KIAA0930: variants seen among roughly 807,000 people sequenced by gnomAD.
The protein encoded by KIAA0930 is KIAA0930.
KIAA0930 carries 24 observed loss-of-function variants against 43.9 expected under a neutral mutation model. The ratio of observed to expected loss-of-function variants is 0.55; its 90% CI spans 0.40 to 0.77. The LOEUF (loss-of-function observed/expected upper bound fraction) is 0.77, where lower values mean the gene tolerates loss of function less well. Among genes scored for constraint, KIAA0930 ranks in the 30% least tolerant of loss-of-function variants. The pLI, the probability that KIAA0930 is intolerant of heterozygous loss-of-function variation, is 0.00. For synonymous variants in KIAA0930, 259 were observed against 216.4 expected (o/e 1.20, Z -1.73); for missense variants, 461 against 574.2 (o/e 0.80, Z 2.02).
intron 1 of KIAA0930, chr22:45,235,543 G>GGCCCCAAGGAGCGCCCCAAGGAGC (rs61483056): frequency 0.024 from 3,683 of 151,618 alleles, 68 homozygotes; most frequent in Middle Eastern, 0.055. Context: ...GGGGTTGGAG[G>GGCCCCAAGGAGCGCCCCAAGGAGC]GCCCCAAGGA....
intron 6 of KIAA0930, among the ~76,000 whole-genome samples, 164 bp downstream of exon 6, chr22:45,203,680 AG>A (rs2147739214): frequency 6.6e-6 from 1 of 152,264 alleles, no homozygotes; most frequent in South Asian, 2.1e-4. Flanking sequence ...TGACGTTAAG[AG>A]GACCAGGGAG....
chr22:45,213,418 T>C (rs985992604), intron 1 of KIAA0930: 1 of 1,298,160 alleles, frequency 7.7e-7, no homozygotes, highest in Non-Finnish European at 1.0e-6. Flanking sequence ...CAGCGAGCCT[T>C]GTCAGCCTCC....
At chr22:45,203,702 G>A in intron 6 of KIAA0930, 143 bp downstream of exon 6, 1 of 862,664 alleles carries the variant, frequency 1.2e-6, no homozygotes, top group Non-Finnish European at 1.8e-6. Context: ...CGCCTAGAAG[G>A]AGCCCGGAGG....
At chr22:45,233,304 C>T (rs2083865803) in intron 1 of KIAA0930, among the ~76,000 whole-genome samples, 2 of 152,144 alleles carry the variant, frequency 1.3e-5, no homozygotes, top group South Asian at 2.1e-4. Flanking sequence ...GCTCTGGACA[C>T]GGTGTGGTAC....
chr22:45,231,311 A>G (rs2083852205), intron 1 of KIAA0930, among the ~76,000 whole-genome samples: 1 of 152,082 alleles, frequency 6.6e-6, no homozygotes, highest in African/African-American at 2.4e-5. Context: ...TGTATCATGT[A>G]AAACTTACAC....
intron 2 of KIAA0930, among the ~76,000 whole-genome samples, chr22:45,210,596 A>C (rs890601459): frequency 6.6e-6 from 1 of 152,104 alleles, no homozygotes; most frequent in African/African-American, 2.4e-5. Context: ...CCAGGGAAAA[A>C]CAAGACTGGC....
intron 1 of KIAA0930, among the ~76,000 whole-genome samples, chr22:45,234,079 A>C (rs1181050921): frequency 6.6e-6 from 1 of 152,186 alleles, no homozygotes; most frequent in East Asian, 1.9e-4. Context: ...AGGCTGGTTG[A>C]ATTCTGAGAC....
chr22:45,240,491 AGGAAG>A, intron 1 of KIAA0930, 144 bp downstream of exon 1: 1 of 503,584 alleles, frequency 2.0e-6, no homozygotes, highest in Non-Finnish European at 3.6e-6. Flanking sequence ...GGGGCCATGG[AGGAAG>A]ACAGGGTACC....
intron 1 of KIAA0930, among the ~76,000 whole-genome samples, chr22:45,214,010 C>T (rs528956767): frequency 1.2e-4 from 19 of 152,068 alleles, no homozygotes; most frequent in Non-Finnish European, 2.1e-4. Context: ...GACTCCATCT[C>T]GGAAATAAAT....
intron 2 of KIAA0930, among the ~76,000 whole-genome samples, chr22:45,209,203 A>G: frequency 6.6e-6 from 1 of 152,166 alleles, no homozygotes; most frequent in Non-Finnish European, 1.5e-5. Flanking sequence ...GCAACCGGGT[A>G]CCAGCGGGAT....
At chr22:45,219,073 G>A (rs567203569) in intron 1 of KIAA0930, among the ~76,000 whole-genome samples, 2 of 152,180 alleles carry the variant, frequency 1.3e-5, no homozygotes, top group East Asian at 1.9e-4. Context: ...GGCATTTCAC[G>A]TGAATCCAAT....
intron 7 of KIAA0930, 115 bp downstream of exon 7, chr22:45,202,875 A>G: frequency 1.2e-6 from 1 of 861,356 alleles, no homozygotes; most frequent in Non-Finnish European, 1.7e-6. Context: ...CGGCCTGCGC[A>G]CTGGTGGTTG....
chr22:45,239,859 T>G (rs2083906431), intron 1 of KIAA0930, among the ~76,000 whole-genome samples: 1 of 151,966 alleles, frequency 6.6e-6, no homozygotes, highest in South Asian at 2.1e-4. Flanking sequence ...ATGACGAACC[T>G]GAGACGACAA....
Position 45,234,521 on chromosome 22 carries a change from G to C in KIAA0930, c.64+6119C>G, listed in dbSNP as rs530518783. Among the ~76,000 whole-genome samples the C allele has an allele frequency of 2.0e-5, 3 of 152,300 alleles. 1 individual carries two copies. The highest frequency in any genetic ancestry group is 7.2e-5 in the African/African-American group (3 of 41,564). On this transcript the variant is annotated intron_variant, in intron 1 of 9. Coordinates refer to ENST00000336156, the MANE Select transcript of KIAA0930 (RefSeq NM_001009880.2). ...CCTAGTCCACACAAGCTAACTAAAA[G>C]GGTTCTCCTTCAGCCCCGTGAACAC...
intron 1 of KIAA0930, among the ~76,000 whole-genome samples, chr22:45,236,960 G>A (rs111405849): frequency 1.2e-4 from 19 of 152,206 alleles, no homozygotes; most frequent in African/African-American, 3.9e-4. Context: ...ACCTGCTCAC[G>A]GCACCTCTCA....
At chr22:45,223,134 G>A (rs866804132) in intron 1 of KIAA0930, among the ~76,000 whole-genome samples, 17 of 152,168 alleles carry the variant, frequency 1.1e-4, no homozygotes, top group African/African-American at 3.1e-4. Context: ...GCAAAATAGT[G>A]GAGTGGTCCT....
rs775151828 is a variant in KIAA0930, at chr22:45,193,534, G to A, written c.*3642C>T. The A allele has an allele frequency of 6.6e-6, 1 of 152,108 alleles. No individual in the cohort carries two copies. The highest frequency in any genetic ancestry group is 1.5e-5 in the Non-Finnish European group (1 of 68,026). The allele number at this position is 152,108 out of a possible 1,614,324, so 9.4% of individuals were successfully genotyped here. ...GGTTTGAGTGCAGGTACATTCTTTG[G>A]GGGAGGGCACCTCAGGAACATGCAT... On this transcript the variant is annotated 3_prime_UTR_variant, in exon 10 of 10. Transcript: ENST00000336156.
intron 1 of KIAA0930, among the ~76,000 whole-genome samples, chr22:45,227,299 T>C (rs1159180473): frequency 1.3e-5 from 2 of 152,120 alleles, no homozygotes; most frequent in African/African-American, 4.8e-5. Context: ...GCAACGTCCT[T>C]GGAAATGCCC....
rs1420355105 is a variant in KIAA0930 at position 45,197,644 on chromosome 22, CAA to C, written c.1174+144_1174+145del. On this transcript the variant is annotated intron_variant, in intron 9 of 9. Transcript: ENST00000336156. The stretch of plus-strand genomic sequence containing the variant: ...CTACGGCTCCACCCAAAGTCTGAGA[CAA>C]AGAGGCCAAGAGCCCTGCAAAGAAA... 1.3e-5 allele frequency: 10 copies of C among 778,476 alleles called. No individual in the cohort carries two copies. In the East Asian group the frequency reaches 2.3e-4, roughly 18 times the overall value. The allele number at this position is 778,476 out of a possible 1,614,324, so 48.2% of individuals were successfully genotyped here.
Sources: gnomAD v4.1 joint callset for allele counts (sites outside exome capture counted in the v4.1 genomes callset) on GRCh38, gnomAD v4.1.1 for gene constraint, MANE v1.5 for transcripts, NCBI Gene and HGNC (gene_info 2026-07-23, HGNC 2026-07-21) for gene names.